Variants in PDPR observed in about 807,000 individuals in gnomAD.
The protein encoded by PDPR is pyruvate dehydrogenase phosphatase regulatory subunit, mitochondrial.
Under a neutral mutation model 102.2 loss-of-function variants are expected in PDPR, and 50 were observed. That is an observed-to-expected ratio of 0.49 (90% CI 0.39 to 0.62). The LOEUF (loss-of-function observed/expected upper bound fraction) is 0.62, where lower values mean the gene tolerates loss of function less well. PDPR is among the 20% of genes least tolerant of loss of function. The pLI is 0.00. For missense variants in PDPR, 625 were observed against 1,098.2 expected (o/e 0.57, Z 6.09); for synonymous variants, 259 against 406.0 (o/e 0.64, Z 4.35).
chr16:70,134,267 C>A (rs1246738801), intron 9 of PDPR, among the ~76,000 whole-genome samples: 1 of 151,964 alleles, frequency 6.6e-6, no homozygotes, highest in Non-Finnish European at 1.5e-5. Context: ...GCTCTGTTGC[C>A]CAGGCTGGAG....
At chr16:70,151,251 T>C (rs1167065729) in intron 17 of PDPR, among the ~76,000 whole-genome samples, 1 of 152,240 alleles carries the variant, frequency 6.6e-6, no homozygotes, top group Non-Finnish European at 1.5e-5. Context: ...TTATTTTTTG[T>C]AGCTTTGAGA....
At chr16:70,138,207 A>ATTTTTTTTT (rs1201065640) in intron 10 of PDPR, among the ~76,000 whole-genome samples, 1,106 of 93,946 alleles carry the variant, frequency 0.012, 19 homozygotes, top group Non-Finnish European at 0.017. Flanking sequence ...ACGCCGGCTA[A>ATTTTTTTTT]TTTTTTTTTT....
chr16:70,145,622 G>C (rs1352054484), intron 15 of PDPR: 1 of 417,432 alleles, frequency 2.4e-6, no homozygotes, highest in African/African-American at 2.1e-5. Flanking sequence ...CCTGCTCCTG[G>C]ATTGGGATAC....
At chr16:70,119,901 GT>G (rs111650841) in intron 2 of PDPR, among the ~76,000 whole-genome samples, 106,062 of 134,842 alleles carry the variant, frequency 0.79, 41,965 homozygotes, top group East Asian at 0.89. Flanking sequence ...TTCTTTTTTT[GT>G]TTTTTTTTTG....
At chr16:70,149,772 T>C (rs895990216) in intron 17 of PDPR, among the ~76,000 whole-genome samples, 18 of 152,394 alleles carry the variant, frequency 1.2e-4, no homozygotes, top group African/African-American at 4.3e-4. Flanking sequence ...CATATGCAAA[T>C]AGTAATAGTT....
At chr16:70,154,606 C>T (rs377565851) in intron 18 of PDPR, among the ~76,000 whole-genome samples, 70 of 152,332 alleles carry the variant, frequency 4.6e-4, no homozygotes, top group African/African-American at 1.6e-3. Context: ...ACAAACTAGT[C>T]GTCCTATAGT....
At chr16:70,149,677 A>G (rs1966548543) in intron 17 of PDPR, among the ~76,000 whole-genome samples, 1 of 152,276 alleles carries the variant, frequency 6.6e-6, no homozygotes, top group Non-Finnish European at 1.5e-5. Context: ...CCATTGTGGT[A>G]CATCATTCCG....
intron 18 of PDPR, 195 bp from the exon 19 acceptor site, chr16:70,156,280 C>A: frequency 1.6e-6 from 1 of 641,122 alleles, no homozygotes; most frequent in South Asian, 2.4e-5. Context: ...CAAAAATTAC[C>A]GCGGCGTCTT....
intron 16 of PDPR, chr16:70,147,813 A>T: frequency 2.8e-6 from 1 of 357,722 alleles, no homozygotes; most frequent in Admixed American, 3.7e-5. Context: ...GACCCCTCCC[A>T]GCGTTTGCTC....
At position 70,157,172 on chromosome 16, in the gene PDPR, A is replaced by T. The variant is rs1482854711; in HGVS notation, c.*293A>T. On this transcript the variant is annotated 3_prime_UTR_variant, in exon 19 of 19. Transcript: ENST00000288050. ...GTCTGACAGGACAGAAGCAAGCTCC[A>T]CTGTGGACATGAGTGATGGTGACAG... The T allele has an allele frequency of 3.2e-6, 2 of 628,586 alleles. No individual in the cohort carries two copies. Among genetic ancestry groups the T allele is most frequent in the Admixed American group, 4.3e-5 (2 of 46,664 alleles). The allele number at this position is 628,586 out of a possible 1,614,324, so 38.9% of individuals were successfully genotyped here.
rs1478555742 is a variant in PDPR at position 70,153,588 on chromosome 16, C to G, written c.2235+15C>G. On this transcript the variant is annotated intron_variant, in intron 18 of 18. Transcript: ENST00000288050. Reference sequence around the variant, plus strand: ...AATTAGAGAAGGTACTGTGTTTACCCAGACTCCACTTTCACTCAGCATCCC... The same window carrying G: ...AATTAGAGAAGGTACTGTGTTTACCGAGACTCCACTTTCACTCAGCATCCC... 11 of 1,583,692 alleles carry G rather than the reference C, an allele frequency of 6.9e-6. No homozygotes were observed. The highest frequency in any genetic ancestry group is 9.4e-6 in the Non-Finnish European group (11 of 1,165,838).
chr16:70,132,090 C>A lies in PDPR; in HGVS notation c.848-61C>A. Reference sequence around the variant, plus strand: ...TTGTTCTGTCCATTTAGAAAGCTGACTTGCCTCTAAACCCTTGTTTTTTCT... The same window carrying A: ...TTGTTCTGTCCATTTAGAAAGCTGAATTGCCTCTAAACCCTTGTTTTTTCT... On this transcript the variant is annotated intron_variant, in intron 8 of 18. Transcript: ENST00000288050. 5 of 1,572,192 alleles carry A rather than the reference C, an allele frequency of 3.2e-6. No homozygotes were observed. The East Asian group carries it at 1.1e-4, about 36-fold the overall frequency.
chr16:70,131,795 C>A (rs1328962354), intron 8 of PDPR: 2 of 1,363,716 alleles, frequency 1.5e-6, no homozygotes, highest in East Asian at 8.4e-5. Context: ...AGGGTTCTCA[C>A]ATCCTTTTGA....
intron 16 of PDPR, 130 bp downstream of exon 16, chr16:70,146,358 C>T (rs1192869472): frequency 3.6e-6 from 5 of 1,407,778 alleles, no homozygotes; most frequent in African/African-American, 1.4e-5. Context: ...GTGGCACATG[C>T]CTGTAATCCT....
chr16:70,117,829 A>G (rs1962801983), intron 2 of PDPR, among the ~76,000 whole-genome samples: 2 of 152,148 alleles, frequency 1.3e-5, no homozygotes, highest in African/African-American at 4.8e-5. Flanking sequence ...GTGGTGGTTC[A>G]CGCCTATAAT....
chr16:70,119,254 A>T (rs1962967754), intron 2 of PDPR, among the ~76,000 whole-genome samples: 1 of 152,002 alleles, frequency 6.6e-6, no homozygotes, highest in Non-Finnish European at 1.5e-5. Flanking sequence ...TGAGCCTAGG[A>T]AGTCAACTCT....
At chr16:70,120,271 C>T (rs1188998701) in intron 2 of PDPR, 190 bp from the exon 3 acceptor site, 4 of 487,930 alleles carry the variant, frequency 8.2e-6, no homozygotes, top group Admixed American at 6.6e-5. Flanking sequence ...AGGATGGTCT[C>T]GATCTCCTGA....
chr16:70,121,986 TTTTC>T (rs1289972611), intron 3 of PDPR, among the ~76,000 whole-genome samples: 8 of 152,180 alleles, frequency 5.3e-5, no homozygotes, highest in African/African-American at 9.6e-5. Context: ...GGCTGTTTTC[TTTTC>T]TTTCTTTTTT....
At chr16:70,151,516 G>A (rs1966739010) in intron 17 of PDPR, among the ~76,000 whole-genome samples, 1 of 152,410 alleles carries the variant, frequency 6.6e-6, no homozygotes, top group East Asian at 1.9e-4. Flanking sequence ...GACTTGGGAA[G>A]AATTTAAACA....
Sources: allele counts gnomAD v4.1 joint callset (sites outside exome capture counted in the v4.1 genomes callset), GRCh38; gene constraint gnomAD v4.1.1; transcripts MANE v1.5; gene names NCBI Gene and HGNC (gene_info 2026-07-23, HGNC 2026-07-21).